IGF2BP2: variants seen among roughly 807,000 people sequenced by gnomAD.
The protein encoded by IGF2BP2 is insulin like growth factor 2 mRNA binding protein 2.
Under a neutral mutation model 75.8 loss-of-function variants are expected in IGF2BP2, and 17 were observed. The ratio of observed to expected loss-of-function variants is 0.22; its 90% CI spans 0.15 to 0.34. IGF2BP2 has a LOEUF of 0.34. Ranked by LOEUF, IGF2BP2 falls within the 10% of genes least tolerant of loss-of-function variation. The pLI is 1.00. For synonymous variants in IGF2BP2, 288 were observed against 295.6 expected, an observed-to-expected ratio of 0.97 and a Z score of 0.26; for missense variants, 516 against 772.4, an observed-to-expected ratio of 0.67 and a Z score of 3.93.
intron 2 of IGF2BP2, among the ~76,000 whole-genome samples, chr3:185,752,085 C>T (rs1184238412): frequency 1.3e-5 from 2 of 152,156 alleles, no homozygotes; most frequent in African/African-American, 4.8e-5. Context: ...GTATATTGTA[C>T]AAGTCTTTAT....
chr3:185,726,815 T>C (rs886250671), intron 2 of IGF2BP2, among the ~76,000 whole-genome samples: 1 of 152,164 alleles, frequency 6.6e-6, no homozygotes, highest in Non-Finnish European at 1.5e-5. Context: ...GGCTTGTTTC[T>C]GGGGAGGCTG....
At chr3:185,672,506 C>A (rs367910646) in intron 10 of IGF2BP2, 35 bp downstream of exon 10, 1 of 1,603,048 alleles carries the variant, frequency 6.2e-7, no homozygotes, top group South Asian at 1.1e-5. Context: ...AGGTGCCCAG[C>A]GCATAAGCAA....
Position 185,689,565 on chromosome 3 carries a change from G to A in IGF2BP2, c.467C>T (p.Pro156Leu), listed in dbSNP as rs908449835. 4 of 1,614,082 alleles carry A rather than the reference G, an allele frequency of 2.5e-6. No individual in the cohort carries two copies. The highest frequency in any genetic ancestry group is 2.7e-5 in the African/African-American group (2 of 74,938). The change falls in exon 6 of 16, where the codon CCG becomes CTG. Residue 156 changes from proline to leucine, a missense_variant. Physicochemically the swap from Pro to Leu is moderately conservative, Grantham distance 98. This residue lies in a region of IGF2BP2 where 312 missense variants were observed against 474.5 expected (regional missense o/e 0.66). Transcript: ENST00000382199. ...ENYSFKISYI[P>L]DEEVSSPSPP... Reference sequence around the variant, plus strand: ...CGAAGGGGAGCTCACCTCTTCATCCGGGATGTAGGAAATCTTGAAGGAGTA... The same window carrying A: ...CGAAGGGGAGCTCACCTCTTCATCCAGGATGTAGGAAATCTTGAAGGAGTA...
intron 8 of IGF2BP2, among the ~76,000 whole-genome samples, 154 bp downstream of exon 8, chr3:185,675,637 A>G (rs1439600538): frequency 1.4e-4 from 21 of 152,190 alleles, no homozygotes; most frequent in Admixed American, 1.4e-3. Context: ...TCTACCTGGT[A>G]AGTATTTATG....
At chr3:185,732,747 T>TA (rs1207390918) in intron 2 of IGF2BP2, among the ~76,000 whole-genome samples, 1 of 152,248 alleles carries the variant, frequency 6.6e-6, no homozygotes, top group Non-Finnish European at 1.5e-5. Context: ...CTTGAACTGC[T>TA]ACATGACCAA....
In IGF2BP2 at chr3:185,820,999, A is replaced by C. The variant is rs1180100361; in HGVS notation, c.239+2154T>G. The C allele has an allele frequency of 7.8e-6, 12 of 1,535,052 alleles. No individual in the cohort carries two copies. In the Admixed American group the frequency reaches 7.9e-5, roughly 10 times the overall value. On this transcript the variant is annotated intron_variant, in intron 2 of 15. Transcript: ENST00000382199. Reference sequence around the variant, plus strand: ...ATATAACATAAAAGCTTTGGTTTCAAATGTCACAGTACCCTGGATTTAGAA... The same window carrying C: ...ATATAACATAAAAGCTTTGGTTTCACATGTCACAGTACCCTGGATTTAGAA...
intron 12 of IGF2BP2, among the ~76,000 whole-genome samples, chr3:185,656,024 C>T (rs1056838515): frequency 6.6e-6 from 1 of 152,268 alleles, no homozygotes; most frequent in Non-Finnish European, 1.5e-5. Flanking sequence ...ACTCTCTGAG[C>T]CTCACTTTTC....
At chr3:185,786,098 A>G (rs1735848284) in intron 2 of IGF2BP2, among the ~76,000 whole-genome samples, 2 of 151,478 alleles carry the variant, frequency 1.3e-5, no homozygotes, top group African/African-American at 4.8e-5. Context: ...TTTTTTTCAA[A>G]TCGCTCCATT....
chr3:185,717,220 G>C (rs1196606042), intron 2 of IGF2BP2: 1 of 173,134 alleles, frequency 5.8e-6, no homozygotes, highest in African/African-American at 2.4e-5. Flanking sequence ...CAAACAGAAA[G>C]AGTGGGCATC....
intron 2 of IGF2BP2, among the ~76,000 whole-genome samples, chr3:185,705,742 G>A (rs985962132): frequency 6.6e-6 from 1 of 152,244 alleles, no homozygotes; most frequent in South Asian, 2.1e-4. Context: ...CTCATAGAAG[G>A]CACTGTCTAG....
intron 2 of IGF2BP2, among the ~76,000 whole-genome samples, chr3:185,806,278 A>C (rs943976639): frequency 2.0e-5 from 3 of 152,340 alleles, no homozygotes; most frequent in Middle Eastern, 3.4e-3. Context: ...AGAGCACACA[A>C]AAGAGGTGGG....
Position 185,672,569 on chromosome 3 carries a change from G to T in IGF2BP2, c.1172C>A (p.Pro391His). Residue 391 changes from proline (P) to histidine (H), a missense_variant, in exon 10 of 16, where the codon CCC becomes CAC. By Grantham distance (77) the Pro-to-His change is moderately conservative. Coordinates refer to ENST00000382199, the MANE Select transcript of IGF2BP2 (RefSeq NM_006548.6). The part of the protein sequence containing the change: ...LSPPAGPRGA[P>H]PAAPYHPFTT... Reference sequence around the variant, plus strand: ...GAAGGGGTGGTAGGGGGCAGCGGGGGGAGCTCCGCGGGGCCCTGCTGGTGG... The same window carrying T: ...GAAGGGGTGGTAGGGGGCAGCGGGGTGAGCTCCGCGGGGCCCTGCTGGTGG... 6.2e-7 allele frequency: 1 copy of T among 1,613,160 alleles called. No individual in the cohort carries two copies. Among genetic ancestry groups the T allele is most frequent in the Non-Finnish European group, 8.5e-7 (1 of 1,179,490 alleles).
At chr3:185,756,810 A>G (rs1199655107) in intron 2 of IGF2BP2, among the ~76,000 whole-genome samples, 1 of 152,148 alleles carries the variant, frequency 6.6e-6, no homozygotes, top group Non-Finnish European at 1.5e-5. Flanking sequence ...CCATCTCTAC[A>G]AAATTAAAAC....
Position 185,707,295 on chromosome 3 carries a change from CTTTTTTTTTTTTTTTTT to C in IGF2BP2, c.240-8965_240-8949del, listed in dbSNP as rs1159568857. Reference sequence around the variant, plus strand: ...TTATATTCAGTGTGTAACGAAGGGGCTTTTTTTTTTTTTTTTTTTTTTTTTTTTTTGAGATGGAGTCT... The same window carrying C: ...TTATATTCAGTGTGTAACGAAGGGGCTTTTTTTTTTTTTGAGATGGAGTCT... On this transcript the variant is annotated intron_variant, in intron 2 of 15. Transcript: ENST00000382199. Among the ~76,000 whole-genome samples, 6 of 39,846 alleles carry C rather than the reference CTTTTTTTTTTTTTTTTT, an allele frequency of 1.5e-4. 1 individual carries two copies. The highest frequency in any genetic ancestry group is 3.8e-4 in the Admixed American group (1 of 2,660). The allele number at this position is 39,846 out of a possible 152,430, so 26.1% of individuals were successfully genotyped here.
In IGF2BP2 at chr3:185,682,751, A is replaced by G. The variant is rs59375581; in HGVS notation, c.812+4306T>C. ...CAAGACCACAATGAGCTGTCACCTC[A>G]TACCTATTAAGATAGCTGTTATCGA... On this transcript the variant is annotated intron_variant, in intron 7 of 15. Transcript: ENST00000382199. Among the ~76,000 whole-genome samples the G allele has an allele frequency of 6.1e-3, 932 of 152,374 alleles. 8 individuals carry two copies. Among genetic ancestry groups the G allele is most frequent in the African/African-American group, 0.021 (880 of 41,592 alleles).
At chr3:185,655,492 T>C (rs73885758) in intron 12 of IGF2BP2, among the ~76,000 whole-genome samples, 5 of 152,322 alleles carry the variant, frequency 3.3e-5, no homozygotes, top group South Asian at 2.1e-4. Context: ...GTTTATGCTA[T>C]GGAGCGAGGC....
intron 2 of IGF2BP2, among the ~76,000 whole-genome samples, chr3:185,809,885 C>T (rs2150002488): frequency 6.6e-6 from 1 of 152,262 alleles, no homozygotes; most frequent in South Asian, 2.1e-4. Context: ...CAAGGTGCAC[C>T]TGTCCAAAGA....
intron 2 of IGF2BP2, among the ~76,000 whole-genome samples, chr3:185,780,135 T>A (rs1735021876): frequency 1.3e-5 from 2 of 151,968 alleles, no homozygotes; most frequent in South Asian, 4.1e-4. Flanking sequence ...TTGTTTAAAG[T>A]AAAAGAAAAG....
At chr3:185,687,299 G>C in intron 6 of IGF2BP2, 108 bp from the exon 7 acceptor site, 1 of 1,184,634 alleles carries the variant, frequency 8.4e-7, no homozygotes, top group Non-Finnish European at 1.2e-6. Flanking sequence ...AGACAGACAA[G>C]GAGGCGTCAT....
Sources: gnomAD v4.1 joint callset for allele counts (sites outside exome capture counted in the v4.1 genomes callset) on GRCh38, gnomAD v4.1.1 for gene constraint, gnomAD v4.1.1 regional missense constraint, MANE v1.5 for transcripts, NCBI Gene and HGNC (gene_info 2026-07-23, HGNC 2026-07-21) for gene names.